ASPM: variants seen among roughly 807,000 people sequenced by gnomAD.
ASPM encodes assembly factor for spindle microtubules.
Under a neutral mutation model 366.4 loss-of-function variants are expected in ASPM, and 256 were observed. The observed-to-expected ratio is 0.70, with a 90% CI of 0.63 to 0.77. The LOEUF is 0.77. ASPM is among the 30% of genes least tolerant of loss of function. ASPM has a pLI of 0.00. For missense variants in ASPM, 4,146 were observed against 4,090.4 expected (o/e 1.01, Z -0.37); for synonymous variants, 1,414 against 1,342.9 (o/e 1.05, Z -1.16).
At chr1:197,110,943 T>C (rs1657565585) in intron 17 of ASPM, among the ~76,000 whole-genome samples, 1 of 152,090 alleles carries the variant, frequency 6.6e-6, no homozygotes, top group Non-Finnish European at 1.5e-5. Flanking sequence ...TAATGCAAGA[T>C]GGATTAAAGA....
chr1:197,104,062 T>G lies in ASPM; in HGVS notation c.5189A>C (p.Glu1730Ala). The G allele has an allele frequency of 6.2e-7, 1 of 1,612,998 alleles. No individual in the cohort carries two copies. The highest frequency in any genetic ancestry group is 1.1e-5 in the South Asian group (1 of 91,058). The change falls in exon 18 of 28, where the codon GAA becomes GCA. Residue 1730 changes from glutamate to alanine, a missense_variant. Glu to Ala is a moderately radical substitution (Grantham distance 107). Around this residue, in one of 3 missense-constraint regions of ASPM, gnomAD observed 3,624 missense variants for 3,591.7 expected, o/e 1.01. Coordinates refer to ENST00000367409, the MANE Select transcript of ASPM (RefSeq NM_018136.5). The stretch of plus-strand genomic sequence containing the variant: ...AAATGCTTGCAGTTTGATACAAGAT[T>G]CCCGCATCTGCATATACTCTTCTCT... ...QKREEYMQMR[E>A]SCIKLQAFVR...
intron 17 of ASPM, among the ~76,000 whole-genome samples, chr1:197,113,145 T>C (rs1200913461): frequency 1.3e-5 from 2 of 152,128 alleles, no homozygotes; most frequent in Non-Finnish European, 1.5e-5. Context: ...TTCTCACTTA[T>C]AAGTGGGAGC....
intron 17 of ASPM, among the ~76,000 whole-genome samples, chr1:197,110,819 T>C (rs1021976129): frequency 6.6e-6 from 1 of 152,098 alleles, no homozygotes; most frequent in Non-Finnish European, 1.5e-5. Flanking sequence ...TAAAACCACC[T>C]GATCTTTGAC....
chr1:197,108,046 G>T (rs970669570), intron 17 of ASPM, among the ~76,000 whole-genome samples: 5 of 152,028 alleles, frequency 3.3e-5, no homozygotes, highest in Admixed American at 2.6e-4. Flanking sequence ...TATCAAATAG[G>T]AAAGAATTGA....
At chr1:197,114,197 T>TTA in intron 17 of ASPM, among the ~76,000 whole-genome samples, 1 of 152,190 alleles carries the variant, frequency 6.6e-6, no homozygotes, top group Non-Finnish European at 1.5e-5. Flanking sequence ...TGCAAAACCA[T>TTA]TGTGTCTAAA....
rs111716497 is a variant in ASPM at position 197,092,083 on chromosome 1, C to A, written c.9295-27G>T. 51 of 1,609,058 alleles carry A rather than the reference C, an allele frequency of 3.2e-5. No individual in the cohort carries two copies. In the African/African-American group the frequency reaches 4.3e-4, roughly 13 times the overall value. Reference sequence around the variant, plus strand: ...TAAAGGTGAAAAAACAAAGCATATTCAAGTATCTGCCTCCTAAGTTAATCA... The same window carrying A: ...TAAAGGTGAAAAAACAAAGCATATTAAAGTATCTGCCTCCTAAGTTAATCA... On this transcript the variant is annotated intron_variant, in intron 21 of 27. Coordinates refer to ENST00000367409, the MANE Select transcript of ASPM (RefSeq NM_018136.5).
intron 4 of ASPM, chr1:197,139,088 G>C (rs1658503752): frequency 1.3e-6 from 1 of 752,278 alleles, no homozygotes; most frequent in Non-Finnish European, 2.4e-6. Flanking sequence ...CCCATTTTCT[G>C]CAGTTTTTGG....
intron 1 of ASPM, among the ~76,000 whole-genome samples, chr1:197,145,582 A>G (rs371800075): frequency 2.0e-5 from 3 of 152,268 alleles, no homozygotes; most frequent in African/African-American, 4.8e-5. Flanking sequence ...ACTAAAATGC[A>G]TATTAAGATG....
rs1378767984 is a variant in ASPM, at chr1:197,117,895, A to T, written c.3959T>A (p.Leu1320His). Residue 1320 changes from leucine to histidine, a missense_variant, in exon 17 of 28, where the codon CTC (leucine) becomes CAC (histidine). By Grantham distance (99) the Leu-to-His change is moderately conservative. This residue lies in a region of ASPM where 3,624 missense variants were observed against 3,591.7 expected (regional missense o/e 1.01). Transcript: ENST00000367409. ...TCTTCGCCAATATTTCTGAATGACG[A>T]GTGCTGCATTAACTCTTTTTCTCAA... Reference protein sequence around the residue: ...QRLRKRVNAALVIQKYWRRVL... With the variant: ...QRLRKRVNAAHVIQKYWRRVL... The T allele has an allele frequency of 1.2e-6, 2 of 1,613,458 alleles. No homozygotes were observed. Among genetic ancestry groups the T allele is most frequent in the Admixed American group, 3.3e-5 (2 of 59,988 alleles).
rs566937875 is a variant in ASPM, at chr1:197,143,082, A to T, written c.1170T>A (p.Ile390=). The T allele has an allele frequency of 1.2e-6, 2 of 1,613,106 alleles. No individual in the cohort carries two copies. The highest frequency in any genetic ancestry group is 2.2e-5 in the South Asian group (2 of 91,050). ...QDLESESVNP[I]LSPNQFLKDN... Reference sequence around the variant, plus strand: ...CTTTTAAAAATTGATTAGGGGATAAAATAGGATTAACTGACTCTGATTCTA... The same window carrying T: ...CTTTTAAAAATTGATTAGGGGATAATATAGGATTAACTGACTCTGATTCTA... Residue 390 remains isoleucine, a synonymous_variant, in exon 3 of 28, where the codon ATT becomes ATA. Transcript: ENST00000367409.
chr1:197,137,474 C>T (rs2151135), intron 4 of ASPM, among the ~76,000 whole-genome samples: 115,960 of 152,132 alleles, frequency 0.76, 48,500 homozygotes, highest in East Asian at 0.98. Context: ...CATCGTAGGC[C>T]GGGCATGGTG....
At chr1:197,136,433 T>A (rs2125110974) in intron 4 of ASPM, among the ~76,000 whole-genome samples, 1 of 152,274 alleles carries the variant, frequency 6.6e-6, no homozygotes, top group African/African-American at 2.4e-5. Context: ...GCATAAAATG[T>A]AATTATAAAT....
chr1:197,134,163 C>T (rs1408818946), intron 5 of ASPM, among the ~76,000 whole-genome samples: 3 of 151,026 alleles, frequency 2.0e-5, no homozygotes, highest in Non-Finnish European at 4.4e-5. Flanking sequence ...TTTGGGAGGC[C>T]AAGGCAAGTG....
chr1:197,124,362 T>G (rs1658017531), intron 12 of ASPM, 31 bp from the exon 13 acceptor site: 2 of 1,385,906 alleles, frequency 1.4e-6, no homozygotes, highest in Non-Finnish European at 2.0e-6. Context: ...GATAAATACC[T>G]TCATATTTTC....
At position 197,142,864 on chromosome 1, in the gene ASPM, C is replaced by T. The variant is rs587783218; in HGVS notation, c.1388G>A (p.Ser463Asn). ...ELVEMKSNYY[S>N]FIKQNNPKFS... ...TTTAGGATTATTTTGTTTTATAAAA[C>T]TGTAGTAATTTGACTTCATTTCTAC... Residue 463 changes from serine to asparagine, a missense_variant, in exon 3 of 28, where the codon AGT (serine) becomes AAT (asparagine). This residue lies in a region of ASPM where 3,624 missense variants were observed against 3,591.7 expected (regional missense o/e 1.01). Coordinates refer to ENST00000367409, the MANE Select transcript of ASPM (RefSeq NM_018136.5). 89 of 1,613,100 alleles carry T rather than the reference C, an allele frequency of 5.5e-5. 1 individual carries two copies. In the Middle Eastern group the frequency reaches 1.5e-3, roughly 27 times the overall value.
intron 5 of ASPM, among the ~76,000 whole-genome samples, chr1:197,134,406 T>C (rs1658357153): frequency 8.0e-6 from 1 of 125,040 alleles, no homozygotes; most frequent in South Asian, 3.1e-4. Context: ...AGTGAGACCT[T>C]GTCTCCAACA....
Position 197,142,352 on chromosome 1 carries a change from A to C in ASPM, c.1900T>G (p.Leu634Val). The change falls in exon 3 of 28, where the codon TTA (leucine) becomes GTA (valine). Residue 634 changes from leucine (L) to valine (V), a missense_variant. Coordinates refer to ENST00000367409, the MANE Select transcript of ASPM (RefSeq NM_018136.5). ...TCACCAGTTTTCTTCTTCAGGTTTA[A>C]TTTCTCTCTGTTGCTAATACGTTTT... The part of the protein sequence containing the change: ...ISKRISNREK[L>V]NLKKKTDLSI... The C allele has an allele frequency of 1.2e-6, 2 of 1,613,774 alleles. No individual in the cohort carries two copies. The highest frequency in any genetic ancestry group is 2.7e-5 in the African/African-American group (2 of 75,044).
Position 197,144,040 on chromosome 1 carries a change from C to G in ASPM, c.358G>C (p.Glu120Gln). Residue 120 changes from glutamate (E) to glutamine (Q), a missense_variant, in exon 2 of 28, where the codon GAG (glutamate) becomes CAG (glutamine). Glu to Gln is a conservative substitution (Grantham distance 29). This residue lies in a region of ASPM where 512 missense variants were observed against 471.7 expected (regional missense o/e 1.09). Transcript: ENST00000367409. Reference sequence around the variant, plus strand: ...TCATTTACAAGAAATGTCATAATCTCTCTTACTCGGCCTTCTTTGAGTGGT... The same window carrying G: ...TCATTTACAAGAAATGTCATAATCTGTCTTACTCGGCCTTCTTTGAGTGGT... ...WTPLKEGRVR[E>Q]IMTFLVNDVL... 6.2e-7 allele frequency: 1 copy of G among 1,610,994 alleles called. No individual in the cohort carries two copies. The highest frequency in any genetic ancestry group is 8.5e-7 in the Non-Finnish European group (1 of 1,177,452).
intron 4 of ASPM, among the ~76,000 whole-genome samples, chr1:197,136,640 C>T (rs544501291): frequency 4.9e-4 from 74 of 151,550 alleles, no homozygotes; most frequent in Non-Finnish European, 9.6e-4. Flanking sequence ...AGAATATACA[C>T]AAAAGGAAAT....
Sources: gnomAD v4.1 joint callset for allele counts (sites outside exome capture counted in the v4.1 genomes callset) on GRCh38, gnomAD v4.1.1 for gene constraint, gnomAD v4.1.1 regional missense constraint, MANE v1.5 for transcripts, NCBI Gene and HGNC (gene_info 2026-07-23, HGNC 2026-07-21) for gene names.